The following CREBL2 variants were observed in gnomAD, a reference collection of about 807,000 sequenced individuals.
CREBL2 encodes the protein cAMP responsive element binding protein like 2.
CREBL2 carries 4 observed loss-of-function variants against 19.5 expected under a neutral mutation model. The ratio of observed to expected loss-of-function variants is 0.20; its 90% CI spans 0.10 to 0.47. CREBL2 has a LOEUF of 0.47. Ranked by LOEUF, CREBL2 falls within the 20% of genes least tolerant of loss-of-function variation. The pLI is 0.98. For missense variants in CREBL2, 85 were observed against 145.1 expected, an observed-to-expected ratio of 0.59 and a Z score of 2.13; for synonymous variants, 42 against 46.6, an observed-to-expected ratio of 0.90 and a Z score of 0.40.
At position 12,644,856 on chromosome 12, in the gene CREBL2, A is replaced by C. The variant is rs1945552827; in HGVS notation, c.*2858A>C. The C allele has an allele frequency of 6.6e-6, 1 of 152,250 alleles. No individual in the cohort carries two copies. The highest frequency in any genetic ancestry group is 2.1e-4 in the South Asian group (1 of 4,838). 9.4% of individuals were successfully genotyped at this position (152,250 alleles called of 1,614,324 possible). A position where few individuals can be genotyped will look rare whatever the true frequency, so the allele number is the denominator to read the frequency against. ...ACTTAGCTTGAGTTAAAGGCAAAGA[A>C]AATCTAAAAACATAAATGTTATATT... On this transcript the variant is annotated 3_prime_UTR_variant, in exon 4 of 4. Transcript: ENST00000228865.
intron 1 of CREBL2, 141 bp from the exon 2 acceptor site, chr12:12,635,636 T>C: frequency 2.2e-6 from 2 of 901,658 alleles, no homozygotes; most frequent in Non-Finnish European, 1.6e-6. Context: ...AGAAGGCATT[T>C]GATGGGATTA....
At chr12:12,618,067 C>G (rs1293319369) in intron 1 of CREBL2, among the ~76,000 whole-genome samples, 1 of 151,970 alleles carries the variant, frequency 6.6e-6, no homozygotes, top group South Asian at 2.1e-4. Context: ...ATGTCTACTT[C>G]GTTCTACACA....
At chr12:12,633,858 C>T (rs1487749779) in intron 1 of CREBL2, among the ~76,000 whole-genome samples, 1 of 152,166 alleles carries the variant, frequency 6.6e-6, no homozygotes, top group Admixed American at 6.5e-5. Context: ...TGGGAAGGCA[C>T]CTACATTTAT....
rs192868641 is a variant in CREBL2, at chr12:12,644,753, A to T, written c.*2755A>T. ...ATTGACAGTATTTCTCAGCATCACTATGTAGCATTCTGTTTTAGCATCTTT... is the reference window on the plus strand; with the variant it reads ...ATTGACAGTATTTCTCAGCATCACTTTGTAGCATTCTGTTTTAGCATCTTT... On this transcript the variant is annotated 3_prime_UTR_variant, in exon 4 of 4. Transcript: ENST00000228865. 1 of 152,784 alleles carries T rather than the reference A, an allele frequency of 6.5e-6. No homozygotes were observed. The highest frequency in any genetic ancestry group is 6.5e-5 in the Admixed American group (1 of 15,304). The allele number at this position is 152,784 out of a possible 1,614,324, so 9.5% of individuals were successfully genotyped here. A position where few individuals can be genotyped will look rare whatever the true frequency, so the allele number is the denominator to read the frequency against.
chr12:12,625,555 T>A (rs1377274085), intron 1 of CREBL2, among the ~76,000 whole-genome samples: 1 of 152,224 alleles, frequency 6.6e-6, no homozygotes, highest in Non-Finnish European at 1.5e-5. Flanking sequence ...ATCAGATTAA[T>A]GTGTCCTGTC....
chr12:12,631,527 C>T (rs1360108778), intron 1 of CREBL2, among the ~76,000 whole-genome samples: 1 of 152,134 alleles, frequency 6.6e-6, no homozygotes, highest in African/African-American at 2.4e-5. Flanking sequence ...TTTGTTTACC[C>T]ATATTAATAT....
chr12:12,641,017 T>C (rs1392692209), intron 3 of CREBL2, among the ~76,000 whole-genome samples: 1 of 151,988 alleles, frequency 6.6e-6, no homozygotes, highest in East Asian at 1.9e-4. Context: ...TTTAACTCTT[T>C]TATTTGGGTG....
intron 1 of CREBL2, among the ~76,000 whole-genome samples, chr12:12,632,096 G>C (rs866243078): frequency 1.7e-4 from 2 of 11,514 alleles, no homozygotes; most frequent in Admixed American, 6.2e-4. Flanking sequence ...TTTTTTTTTT[G>C]AGACGGAGTC....
chr12:12,619,416 C>T (rs141822366), intron 1 of CREBL2, among the ~76,000 whole-genome samples: 12 of 152,090 alleles, frequency 7.9e-5, no homozygotes, highest in African/African-American at 2.4e-4. Flanking sequence ...GATCAGCATG[C>T]GCAACATGGC....
Position 12,611,931 on chromosome 12 carries a change from G to C in CREBL2, c.-242G>C, listed in dbSNP as rs959899990. The C allele has an allele frequency of 1.7e-6, 1 of 580,162 alleles. No homozygotes were observed. The highest frequency in any genetic ancestry group is 1.9e-5 in the African/African-American group (1 of 52,748). 35.9% of individuals were successfully genotyped at this position (580,162 alleles called of 1,614,324 possible). On this transcript the variant is annotated 5_prime_UTR_variant, in exon 1 of 4. Coordinates refer to ENST00000228865, the MANE Select transcript of CREBL2 (RefSeq NM_001310.4). Reference sequence around the variant, plus strand: ...ACACCCAGAGACTGTCATGGAGGGGGAGGAGGAGGCGGCGGCGGCGAAGGG... The same window carrying C: ...ACACCCAGAGACTGTCATGGAGGGGCAGGAGGAGGCGGCGGCGGCGAAGGG...
In CREBL2 at chr12:12,641,256, TTTTTTTA is replaced by T. The variant is rs1355477220; in HGVS notation, c.359-731_359-725del. Among the ~76,000 whole-genome samples, 391 of 88,396 alleles carry T rather than the reference TTTTTTTA, an allele frequency of 4.4e-3. 27 individuals are homozygous for T. Among genetic ancestry groups the T allele is most frequent in the Non-Finnish European group, 6.4e-3 (286 of 44,906 alleles). 58.0% of individuals were successfully genotyped at this position (88,396 alleles called of 152,430 possible). A position where few individuals can be genotyped will look rare whatever the true frequency, so the allele number is the denominator to read the frequency against. On this transcript the variant is annotated intron_variant, in intron 3 of 3. Coordinates refer to ENST00000228865, the MANE Select transcript of CREBL2 (RefSeq NM_001310.4). ...TATTATTATTATTATTATTATTATT[TTTTTTTA>T]TTTTTTTTTTTTTTAGGTCAACCTC...
At chr12:12,637,105 C>A (rs1479551957) in intron 2 of CREBL2, among the ~76,000 whole-genome samples, 6 of 152,008 alleles carry the variant, frequency 3.9e-5, no homozygotes, top group African/African-American at 7.3e-5. Flanking sequence ...TCTTTGTATA[C>A]CCCCAAAGTC....
intron 1 of CREBL2, among the ~76,000 whole-genome samples, chr12:12,635,059 C>T (rs573181883): frequency 3.3e-5 from 5 of 151,644 alleles, no homozygotes; most frequent in Admixed American, 3.3e-4. Flanking sequence ...AAGCGAGAAC[C>T]TGTCTCAAAA....
At chr12:12,613,879 G>A (rs1202739120) in intron 1 of CREBL2, among the ~76,000 whole-genome samples, 1 of 149,078 alleles carries the variant, frequency 6.7e-6, no homozygotes. Flanking sequence ...AGACAGAAGG[G>A]TAGCGTTCTA....
intron 1 of CREBL2, among the ~76,000 whole-genome samples, chr12:12,627,643 G>A (rs1265895319): frequency 1.3e-5 from 2 of 152,156 alleles, no homozygotes; most frequent in Non-Finnish European, 2.9e-5. Context: ...CATTTGGGTT[G>A]TTTCTGCTTT....
At chr12:12,639,572 G>T (rs566228288) in intron 3 of CREBL2, among the ~76,000 whole-genome samples, 3 of 152,110 alleles carry the variant, frequency 2.0e-5, no homozygotes, top group South Asian at 4.1e-4. Flanking sequence ...TTCTATGCTT[G>T]TTGGCCATTC....
At chr12:12,631,106 T>G (rs1478141389) in intron 1 of CREBL2, among the ~76,000 whole-genome samples, 1 of 152,206 alleles carries the variant, frequency 6.6e-6, no homozygotes, top group Non-Finnish European at 1.5e-5. Context: ...TTGCTTGTAA[T>G]CAGTAGACTT....
At chr12:12,618,929 C>A (rs1184709443) in intron 1 of CREBL2, among the ~76,000 whole-genome samples, 1 of 152,160 alleles carries the variant, frequency 6.6e-6, no homozygotes, top group African/African-American at 2.4e-5. Context: ...ATCCCAGGCA[C>A]TCGGCAGGTT....
chr12:12,617,542 G>C (rs992459862), intron 1 of CREBL2, among the ~76,000 whole-genome samples: 1 of 147,200 alleles, frequency 6.8e-6, no homozygotes, highest in Admixed American at 6.8e-5. Flanking sequence ...CTAACACATA[G>C]TAGGCTCTCA....
Sources: allele counts gnomAD v4.1 joint callset (sites outside exome capture counted in the v4.1 genomes callset), GRCh38; gene constraint gnomAD v4.1.1; transcripts MANE v1.5; gene names NCBI Gene and HGNC (gene_info 2026-07-23, HGNC 2026-07-21).